Variants in HSPG2 observed in about 807,000 individuals in gnomAD.
The protein encoded by HSPG2 is basement membrane-specific heparan sulfate proteoglycan core protein.
In HSPG2, 278 loss-of-function variants were observed where a neutral mutation model predicts 526.6. The observed-to-expected ratio is 0.53, with a 90% CI of 0.48 to 0.58. The LOEUF is 0.58. Among genes scored for constraint, HSPG2 ranks in the 20% least tolerant of loss-of-function variants. HSPG2 has a pLI of 0.00. For missense variants in HSPG2, 5,354 were observed against 6,099.5 expected (o/e 0.88, Z 4.07); for synonymous variants, 2,465 against 2,555.4 (o/e 0.96, Z 1.07).
chr1:21,829,116 G>T, intron 87 of HSPG2, 37 bp from the exon 88 acceptor site: 1 of 1,525,148 alleles, frequency 6.6e-7, no homozygotes, highest in Non-Finnish European at 8.8e-7. Context: ...GCACATGGGG[G>T]CACACGGGGC....
In HSPG2 at chr1:21,859,777, C is replaced by T. The variant is rs1639648727; in HGVS notation, c.5182+58G>A. 6.3e-7 allele frequency: 1 copy of T among 1,599,734 alleles called. No individual in the cohort carries two copies. Among genetic ancestry groups the T allele is most frequent in the African/African-American group, 1.3e-5 (1 of 74,894 alleles). On this transcript the variant is annotated intron_variant, in intron 41 of 96. Transcript: ENST00000374695. The surrounding 1 kb of genome is among the most constrained non-coding windows in gnomAD (Gnocchi z 5.3). ...ATCCCACTAGGGCAGGGACAGGCCC[C>T]TGCCTCCCCTCCCACTGGGATGGCT...
Position 21,887,372 on chromosome 1 carries a change from G to T in HSPG2, c.959-38C>A. ...GCAGGGGTCAGCAGCATCCTCCCGGGCCAGCTTCCTGCTCCCCGCACCCAC... is the reference window on the plus strand; with the variant it reads ...GCAGGGGTCAGCAGCATCCTCCCGGTCCAGCTTCCTGCTCCCCGCACCCAC... On this transcript the variant is annotated intron_variant, in intron 8 of 96. Transcript: ENST00000374695. The surrounding 1 kb of genome is among the most constrained non-coding windows in gnomAD (Gnocchi z 5.0). The T allele has an allele frequency of 6.2e-7, 1 of 1,613,844 alleles. No homozygotes were observed. Among genetic ancestry groups the T allele is most frequent in the Non-Finnish European group, 8.5e-7 (1 of 1,179,932 alleles).
At position 21,854,852 on chromosome 1, in the gene HSPG2, A is replaced by C; in HGVS notation, c.6129T>G (p.Leu2043=). ...TAQARIQVVV[L]SASDASPPPV... ...CCATTCCCAGAGAGTCCGTACCTGA[A>C]AGGACAACCACTTGGATCCGGGCCT... Residue 2043 remains leucine, a synonymous_variant, in exon 48 of 97, where the codon CTT becomes CTG. Coordinates refer to ENST00000374695, the MANE Select transcript of HSPG2 (RefSeq NM_005529.7). 1.2e-6 allele frequency: 2 copies of C among 1,614,004 alleles called. No homozygotes were observed. The highest frequency in any genetic ancestry group is 2.2e-5 in the South Asian group (2 of 91,048).
In HSPG2 at chr1:21,837,019, G is replaced by A. The variant is rs944650516; in HGVS notation, c.10151-13C>T. The A allele has an allele frequency of 2.6e-6, 4 of 1,544,792 alleles. No homozygotes were observed. Among genetic ancestry groups the A allele is most frequent in the Non-Finnish European group, 1.7e-6 (2 of 1,146,708 alleles). On this transcript the variant is annotated splice_polypyrimidine_tract_variant and intron_variant, in intron 74 of 96. Coordinates refer to ENST00000374695, the MANE Select transcript of HSPG2 (RefSeq NM_005529.7). ...GAGCCGGGAGGGCCTGCGGGGACAT[G>A]TATGAGGTTCTGCAGGTATATGTGT...
Position 21,857,288 on chromosome 1 carries a change from G to A in HSPG2, c.5391C>T (p.Ser1797=). 6.2e-7 allele frequency: 1 copy of A among 1,613,996 alleles called. No homozygotes were observed. The highest frequency in any genetic ancestry group is 8.5e-7 in the Non-Finnish European group (1 of 1,179,910). Reference sequence around the variant, plus strand: ...CCCCACTCCCTGACCTGCACACCTTGCTTTTGGCTGTGCAGATGAAGGTGA... The same window carrying A: ...CCCCACTCCCTGACCTGCACACCTTACTTTTGGCTGTGCAGATGAAGGTGA... ...ADVTFICTAK[S]KSPAYTLVWT... The change falls in exon 43 of 97, where the codon AGC becomes AGT. Residue 1797 remains serine, a synonymous_variant. Transcript: ENST00000374695.
intron 1 of HSPG2, among the ~76,000 whole-genome samples, chr1:21,934,549 G>A (rs1267915023): frequency 3.3e-5 from 5 of 151,894 alleles, no homozygotes; most frequent in East Asian, 1.9e-4. Flanking sequence ...CGAGAGGATC[G>A]CTTGAGGCCA....
chr1:21,862,949 A>G (rs1639914574), intron 37 of HSPG2, among the ~76,000 whole-genome samples: 3 of 150,226 alleles, frequency 2.0e-5, no homozygotes, highest in African/African-American at 7.3e-5. Flanking sequence ...AATCCCAGCT[A>G]CTCCAGAGGC....
rs146725327 is a variant in HSPG2, at chr1:21,848,046, C to T, written c.7785G>A (p.Ser2595=). The part of the protein sequence containing the change: ...LRIPQVTPAD[S]GEYVCHVSNG... ...TACTGACGTGACACACGTACTCGCC[C>T]GAGTCTGCCGGAGTCACCTGAGGGA... Residue 2595 remains serine, a synonymous_variant, in exon 60 of 97, where the codon TCG becomes TCA. Coordinates refer to ENST00000374695, the MANE Select transcript of HSPG2 (RefSeq NM_005529.7). This position sits in a 1 kb window ranked among gnomAD's most constrained non-coding sequence, Gnocchi z 4.9. The T allele has an allele frequency of 1.5e-4, 239 of 1,613,140 alleles. No individual in the cohort carries two copies. Among genetic ancestry groups the T allele is most frequent in the Non-Finnish European group, 1.9e-4 (220 of 1,179,866 alleles).
chr1:21,845,064 G>C (rs1372546243), intron 64 of HSPG2, among the ~76,000 whole-genome samples: 1 of 152,160 alleles, frequency 6.6e-6, no homozygotes, highest in Non-Finnish European at 1.5e-5. Flanking sequence ...TGACCAACAT[G>C]GTGAAACCCC....
chr1:21,867,732 T>C (rs1480194814), intron 33 of HSPG2, among the ~76,000 whole-genome samples: 1 of 152,140 alleles, frequency 6.6e-6, no homozygotes, highest in Non-Finnish European at 1.5e-5. Context: ...GCCTATTCTT[T>C]TTTTTGTTTG....
Position 21,861,983 on chromosome 1 carries a change from C to T in HSPG2, c.4868+5G>A. On this transcript the variant is annotated splice_donor_5th_base_variant and intron_variant, in intron 38 of 96. Transcript: ENST00000374695. ...TGTCCTTGGGCCTTGAGCTAGGGTACCCACATGTTCTCTGGGTTGGTCAGT... is the reference window on the plus strand; with the variant it reads ...TGTCCTTGGGCCTTGAGCTAGGGTATCCACATGTTCTCTGGGTTGGTCAGT... 2 of 1,614,222 alleles carry T rather than the reference C, an allele frequency of 1.2e-6. No homozygotes were observed. Among genetic ancestry groups the T allele is most frequent in the Non-Finnish European group, 1.7e-6 (2 of 1,180,036 alleles).
Position 21,831,262 on chromosome 1 carries a change from C to T in HSPG2, c.11515G>A (p.Ala3839Thr), listed in dbSNP as rs776265385. 6.2e-7 allele frequency: 1 copy of T among 1,614,014 alleles called. No homozygotes were observed. Among genetic ancestry groups the T allele is most frequent in the Non-Finnish European group, 8.5e-7 (1 of 1,179,986 alleles). ...EIVFHDLNLT[A>T]HGISHCPTCR... ...GTGGGGCAGTGGGAGATGCCGTGCG[C>T]CGTGAGGTTGAGGTCATGGAAGACG... Residue 3839 changes from alanine to threonine, a missense_variant, in exon 84 of 97, where the codon GCG becomes ACG. Ala to Thr is a moderately conservative substitution (Grantham distance 58). Coordinates refer to ENST00000374695, the MANE Select transcript of HSPG2 (RefSeq NM_005529.7).
At chr1:21,885,261 G>C in intron 10 of HSPG2, 59 bp downstream of exon 10, 1 of 1,612,192 alleles carries the variant, frequency 6.2e-7, no homozygotes, top group African/African-American at 1.3e-5. Context: ...CTGAGGCTGT[G>C]GACAGAACCC....
Position 21,846,112 on chromosome 1 carries a change from G to A in HSPG2, c.8460C>T (p.Val2820=), listed in dbSNP as rs879018601. 6.2e-7 allele frequency: 1 copy of A among 1,612,560 alleles called. No homozygotes were observed. Among genetic ancestry groups the A allele is most frequent in the African/African-American group, 1.3e-5 (1 of 75,046 alleles). Residue 2820 remains valine (V), a synonymous_variant, in exon 64 of 97, where the codon GTC becomes GTT. Coordinates refer to ENST00000374695, the MANE Select transcript of HSPG2 (RefSeq NM_005529.7). ...IEASGSSAVH[V]PAPGGAPPIR... is the part of the protein sequence containing the mutation. ...TCCCACTGCAGGGACCCTCACCGGG[G>A]ACGTGGACAGCACTTGAGCCAGAGG...
Position 21,848,735 on chromosome 1 carries a change from G to A in HSPG2, c.7645C>T (p.His2549Tyr), listed in dbSNP as rs565415466. 8.7e-6 allele frequency: 14 copies of A among 1,613,986 alleles called. No homozygotes were observed. In the South Asian group the frequency reaches 1.2e-4, roughly 14 times the overall value. ...ACCAGGCAGTTGAGGTCCAGGGTGT[G>A]TCCATTGGCCAGGGAGGCTGAGGAG... Reference protein sequence around the residue: ...ESSSASLANGHTLDLNCLVAS... With the variant: ...ESSSASLANGYTLDLNCLVAS... The change falls in exon 59 of 97, where the codon CAC becomes TAC. Residue 2549 changes from histidine (H) to tyrosine (Y), a missense_variant. His to Tyr is a moderately conservative substitution (Grantham distance 83, BLOSUM62 2). Coordinates refer to ENST00000374695, the MANE Select transcript of HSPG2 (RefSeq NM_005529.7). The surrounding 1 kb of genome is among the most constrained non-coding windows in gnomAD (Gnocchi z 4.9).
chr1:21,926,881 G>C (rs1169596619), intron 1 of HSPG2, among the ~76,000 whole-genome samples: 2 of 151,770 alleles, frequency 1.3e-5, no homozygotes, highest in Non-Finnish European at 2.9e-5. Flanking sequence ...GATCCAAGAA[G>C]AGGCATGATC....
In HSPG2 at chr1:21,839,963, C is replaced by T. The variant is rs778829431; in HGVS notation, c.9568G>A (p.Ala3190Thr). Residue 3190 changes from alanine (A) to threonine (T), a missense_variant, in exon 72 of 97, where the codon GCA (alanine) becomes ACA (threonine). Ala to Thr is a moderately conservative substitution (Grantham distance 58). Coordinates refer to ENST00000374695, the MANE Select transcript of HSPG2 (RefSeq NM_005529.7). The surrounding 1 kb of genome is among the most constrained non-coding windows in gnomAD (Gnocchi z 4.5). ...ACCTGCTTCTGTGCTGTGCCTAGTG[C>T]ATTCTGAGCAAGGCACACATAAGTG... Reference protein sequence around the residue: ...AGTYVCLAQNALGTAQKQVEV... With the variant: ...AGTYVCLAQNTLGTAQKQVEV... 1.2e-6 allele frequency: 2 copies of T among 1,614,166 alleles called. No individual in the cohort carries two copies. Among genetic ancestry groups the T allele is most frequent in the Non-Finnish European group, 1.7e-6 (2 of 1,180,048 alleles).
intron 1 of HSPG2, among the ~76,000 whole-genome samples, chr1:21,897,904 C>G (rs1257077854): frequency 6.6e-6 from 1 of 152,158 alleles, no homozygotes; most frequent in African/African-American, 2.4e-5. Context: ...AAGAAACTCT[C>G]TTTGTCCCGA....
chr1:21,909,066 C>T (rs12075913), intron 1 of HSPG2, among the ~76,000 whole-genome samples: 1,695 of 152,270 alleles, frequency 0.011, 32 homozygotes, highest in African/African-American at 0.039. Context: ...CAAGATGGCG[C>T]CATTGCACTC....
Sources: gnomAD v4.1 joint callset for allele counts (sites outside exome capture counted in the v4.1 genomes callset) on GRCh38, gnomAD v4.1.1 for gene constraint, Gnocchi (gnomAD v3.1) non-coding constraint, MANE v1.5 for transcripts, NCBI Gene and HGNC (gene_info 2026-07-23, HGNC 2026-07-21) for gene names.